RGSL1: variants seen among roughly 807,000 people sequenced by gnomAD.
RGSL1 encodes the protein regulator of G protein signaling protein-like.
In RGSL1, 97 loss-of-function variants were observed where a neutral mutation model predicts 124.7. The ratio of observed to expected loss-of-function variants is 0.78; its 90% CI spans 0.66 to 0.92. The LOEUF (loss-of-function observed/expected upper bound fraction) is 0.92, where lower values mean the gene tolerates loss of function less well. Ranked by LOEUF, RGSL1 falls within the 40% of genes least tolerant of loss-of-function variation. The pLI, the probability that RGSL1 is intolerant of heterozygous loss-of-function variation, is 0.00. For missense variants in RGSL1, 1,233 were observed against 1,288.4 expected, an observed-to-expected ratio of 0.96 and a Z score of 0.66; for synonymous variants, 424 against 438.1, an observed-to-expected ratio of 0.97 and a Z score of 0.40.
intron 10 of RGSL1, among the ~76,000 whole-genome samples, chr1:182,527,357 C>T (rs1658823858): frequency 6.6e-6 from 1 of 152,072 alleles, no homozygotes; most frequent in Admixed American, 6.6e-5. Context: ...CCTTCATCTT[C>T]CATTAGGAAG....
intron 6 of RGSL1, among the ~76,000 whole-genome samples, chr1:182,481,929 C>T (rs547961179): frequency 2.6e-5 from 4 of 152,178 alleles, no homozygotes; most frequent in Admixed American, 1.3e-4. Flanking sequence ...GAGCCATGTT[C>T]GTGACACTGC....
intron 16 of RGSL1, 118 bp from the exon 17 acceptor site, chr1:182,548,582 T>A: frequency 6.6e-7 from 1 of 1,507,154 alleles, no homozygotes; most frequent in Non-Finnish European, 8.9e-7. Flanking sequence ...ACCTAGCAAC[T>A]CCATGAAAAC....
intron 19 of RGSL1, 42 bp downstream of exon 19, chr1:182,553,583 T>G (rs1171855832): frequency 1.3e-6 from 2 of 1,519,692 alleles, no homozygotes; most frequent in Non-Finnish European, 1.8e-6. Context: ...TGCTACTCAA[T>G]CAGAGGGGGA....
At chr1:182,477,258 C>G (rs1423867723) in intron 6 of RGSL1, among the ~76,000 whole-genome samples, 2 of 152,190 alleles carry the variant, frequency 1.3e-5, no homozygotes, top group Non-Finnish European at 2.9e-5. Flanking sequence ...TCAGCCTCAT[C>G]TCCTGTGGAC....
intron 6 of RGSL1, among the ~76,000 whole-genome samples, chr1:182,481,553 A>C (rs1654708845): frequency 6.6e-6 from 1 of 152,330 alleles, no homozygotes; most frequent in South Asian, 2.1e-4. Flanking sequence ...TCTTCCCAAA[A>C]GTATAAGGAG....
intron 19 of RGSL1, 56 bp from the exon 20 acceptor site, chr1:182,554,571 G>A: frequency 1.3e-6 from 2 of 1,494,388 alleles, no homozygotes; most frequent in Non-Finnish European, 1.8e-6. Flanking sequence ...AGGCCTTTCA[G>A]TGACTGCGTC....
In RGSL1 at chr1:182,530,696, G is replaced by C. The variant is rs113141685; in HGVS notation, c.2244-94G>C. On this transcript the variant is annotated intron_variant, in intron 12 of 21. Transcript: ENST00000294854. Reference sequence around the variant, plus strand: ...TACTATTCCCCAATTACCACTGAGAGTTCCTCCAGAAGCTGAGGTAGGTTT... The same window carrying C: ...TACTATTCCCCAATTACCACTGAGACTTCCTCCAGAAGCTGAGGTAGGTTT... The C allele has an allele frequency of 1.9e-3, 2,506 of 1,349,842 alleles. 29 individuals are homozygous for C. The African/African-American group carries it at 0.023, about 13-fold the overall frequency. The allele number at this position is 1,349,842 out of a possible 1,614,324, so 83.6% of individuals were successfully genotyped here.
chr1:182,556,799 A>AATAGGCCT (rs1660892797), intron 21 of RGSL1, among the ~76,000 whole-genome samples: 1 of 152,210 alleles, frequency 6.6e-6, no homozygotes, highest in African/African-American at 2.4e-5. Flanking sequence ...ATTTTAAATG[A>AATAGGCCT]ATAGGCCTAT....
At chr1:182,499,468 G>C (rs1656187758) in intron 9 of RGSL1, among the ~76,000 whole-genome samples, 2 of 152,146 alleles carry the variant, frequency 1.3e-5, no homozygotes, top group Non-Finnish European at 2.9e-5. Context: ...TTTAAAGACT[G>C]TTTTGTTTGA....
chr1:182,557,929 C>T (rs1006000683), intron 21 of RGSL1, among the ~76,000 whole-genome samples: 5 of 152,050 alleles, frequency 3.3e-5, no homozygotes, highest in African/African-American at 1.2e-4. Context: ...GTAACGCAGT[C>T]CATGAGAGAT....
At chr1:182,497,207 T>C (rs753041059) in intron 9 of RGSL1, among the ~76,000 whole-genome samples, 1 of 150,770 alleles carries the variant, frequency 6.6e-6, no homozygotes, top group Non-Finnish European at 1.5e-5. Flanking sequence ...TTCTTTATGA[T>C]AGGAATGAAA....
intron 4 of RGSL1, among the ~76,000 whole-genome samples, chr1:182,469,204 A>G (rs1653611051): frequency 6.6e-6 from 1 of 152,162 alleles, no homozygotes; most frequent in South Asian, 2.1e-4. Context: ...ATCAAAAGAT[A>G]CTATCAAAAG....
chr1:182,534,894 C>G (rs573711006), intron 14 of RGSL1, among the ~76,000 whole-genome samples: 17 of 152,142 alleles, frequency 1.1e-4, no homozygotes, highest in African/African-American at 4.1e-4. Flanking sequence ...GCCCTCATGC[C>G]CCAGAATGGT....
At chr1:182,459,739 G>A (rs1437296309) in intron 3 of RGSL1, among the ~76,000 whole-genome samples, 1 of 152,048 alleles carries the variant, frequency 6.6e-6, no homozygotes, top group Non-Finnish European at 1.5e-5. Flanking sequence ...CTTCACTCAG[G>A]GATAAGAAAG....
chr1:182,517,282 G>GTTT (rs33967101), intron 9 of RGSL1, among the ~76,000 whole-genome samples: 1,545 of 142,502 alleles, frequency 0.011, 26 homozygotes, highest in African/African-American at 0.028. Flanking sequence ...TTCTATTTCT[G>GTTT]TTTTTTTTTT....
intron 6 of RGSL1, among the ~76,000 whole-genome samples, chr1:182,478,841 A>G (rs1226708318): frequency 6.6e-6 from 1 of 152,222 alleles, no homozygotes; most frequent in Non-Finnish European, 1.5e-5. Flanking sequence ...AAGAATGGGA[A>G]ACGTGACTTG....
chr1:182,480,397 A>G (rs980800082), intron 6 of RGSL1, among the ~76,000 whole-genome samples: 1 of 152,102 alleles, frequency 6.6e-6, no homozygotes, highest in African/African-American at 2.4e-5. Flanking sequence ...TACTACTTCA[A>G]TCCAGCCTGG....
At chr1:182,525,174 A>G (rs536931910) in intron 10 of RGSL1, among the ~76,000 whole-genome samples, 1 of 152,168 alleles carries the variant, frequency 6.6e-6, no homozygotes, top group Non-Finnish European at 1.5e-5. Flanking sequence ...GTGTAAATTC[A>G]GACTCCAGGG....
At chr1:182,463,079 G>T (rs1300678131) in intron 4 of RGSL1, among the ~76,000 whole-genome samples, 1 of 152,054 alleles carries the variant, frequency 6.6e-6, no homozygotes, top group Non-Finnish European at 1.5e-5. Flanking sequence ...GGATCATGAG[G>T]TCAGGAGATC....
Sources: gnomAD v4.1 joint callset for allele counts (sites outside exome capture counted in the v4.1 genomes callset) on GRCh38, gnomAD v4.1.1 for gene constraint, MANE v1.5 for transcripts, NCBI Gene and HGNC (gene_info 2026-07-23, HGNC 2026-07-21) for gene names.